Variants in CRACR2A observed in about 807,000 individuals in gnomAD.
CRACR2A encodes EF-hand calcium-binding domain-containing protein 4B.
A neutral mutation model predicts 90.5 loss-of-function variants in CRACR2A; 79 were observed. The ratio of observed to expected loss-of-function variants is 0.87; its 90% CI spans 0.73 to 1.05. CRACR2A has a LOEUF of 1.05. CRACR2A is among the 50% of genes least tolerant of loss of function. The pLI, the probability that CRACR2A is intolerant of heterozygous loss-of-function variation, is 0.00. For missense variants in CRACR2A, 823 were observed against 897.2 expected, an observed-to-expected ratio of 0.92 and a Z score of 1.06; for synonymous variants, 338 against 356.7, an observed-to-expected ratio of 0.95 and a Z score of 0.59.
chr12:3,628,541 CAGAG>C (rs368916721), intron 15 of CRACR2A, among the ~76,000 whole-genome samples: 1 of 152,168 alleles, frequency 6.6e-6, no homozygotes, highest in Admixed American at 6.5e-5. Context: ...TCCTCAACCC[CAGAG>C]AGAGGGGGCA....
intron 4 of CRACR2A, among the ~76,000 whole-genome samples, chr12:3,691,536 T>G (rs1256519262): frequency 6.6e-6 from 1 of 152,208 alleles, no homozygotes; most frequent in Non-Finnish European, 1.5e-5. Context: ...GGCTTCCCTT[T>G]GTAGGTGACC....
rs143641818 is a variant in CRACR2A at position 3,696,926 on chromosome 12, C to G, written c.74G>C (p.Gly25Ala). Residue 25 changes from glycine (G) to alanine (A), a missense_variant, in exon 4 of 20, where the codon GGG (glycine) becomes GCG (alanine). Transcript: ENST00000440314. ...CAGGGGATGCAGGCAGGCTCCACTC[C>G]CCTTTGGCCCCTGGCCAGACCCCTG... ...LGQGSGQGPK[G>A]SGACLHPLDS... The G allele has an allele frequency of 2.8e-5, 46 of 1,614,088 alleles. No homozygotes were observed. The highest frequency in any genetic ancestry group is 3.6e-5 in the Non-Finnish European group (42 of 1,180,032).
chr12:3,744,446 CT>C (rs1212032750), intron 1 of CRACR2A, among the ~76,000 whole-genome samples: 2 of 152,182 alleles, frequency 1.3e-5, no homozygotes, highest in Non-Finnish European at 2.9e-5. Context: ...AATGACACCC[CT>C]GTCTAGATGA....
intron 7 of CRACR2A, among the ~76,000 whole-genome samples, chr12:3,669,571 A>G (rs912498761): frequency 6.6e-6 from 1 of 152,198 alleles, no homozygotes; most frequent in Non-Finnish European, 1.5e-5. Flanking sequence ...GAATGCTCCC[A>G]GACTCCTTTC....
intron 2 of CRACR2A, among the ~76,000 whole-genome samples, chr12:3,717,698 T>C (rs1591708688): frequency 6.6e-6 from 1 of 152,358 alleles, no homozygotes; most frequent in East Asian, 1.9e-4. Flanking sequence ...TATACGGCTT[T>C]CAAAGATTAC....
rs573084317 is a variant in CRACR2A at position 3,633,466 on chromosome 12, A to G, written c.1735+138T>C. 8.4e-7 allele frequency: 1 copy of G among 1,188,236 alleles called. No individual in the cohort carries two copies. The highest frequency in any genetic ancestry group is 1.5e-5 in the African/African-American group (1 of 65,400). 73.6% of individuals were successfully genotyped at this position (1,188,236 alleles called of 1,614,324 possible). On this transcript the variant is annotated intron_variant, in intron 15 of 19. Transcript: ENST00000440314. This position sits in a 1 kb window ranked among gnomAD's most constrained non-coding sequence, Gnocchi z 4.5. ...CCCTCCCAGCCTGTCTGTTGAACAG[A>G]GCAGACACCAGTATCCCTACTGGCC...
chr12:3,696,576 A>G (rs1945743779), intron 4 of CRACR2A, among the ~76,000 whole-genome samples, 196 bp downstream of exon 4: 1 of 152,238 alleles, frequency 6.6e-6, no homozygotes, highest in African/African-American at 2.4e-5. Context: ...GGAATCTGAC[A>G]GCAAGTAAAG....
chr12:3,635,038 G>A, intron 14 of CRACR2A, among the ~76,000 whole-genome samples: 1 of 152,178 alleles, frequency 6.6e-6, no homozygotes, highest in Non-Finnish European at 1.5e-5. Context: ...ACAGGATAGG[G>A]AAGGTAAAAC....
chr12:3,701,234 C>T (rs113048082), intron 3 of CRACR2A, among the ~76,000 whole-genome samples: 14 of 150,970 alleles, frequency 9.3e-5, no homozygotes, highest in African/African-American at 1.2e-4. Context: ...AAATTTATAG[C>T]GCTAATCATA....
chr12:3,720,332 A>G (rs1946142511), intron 2 of CRACR2A, among the ~76,000 whole-genome samples: 1 of 146,946 alleles, frequency 6.8e-6, no homozygotes, highest in African/African-American at 2.5e-5. Flanking sequence ...AGACAGAAAG[A>G]AAAGAAAGAA....
At chr12:3,727,884 AAAAAT>A (rs1226900771) in intron 2 of CRACR2A, 2 of 152,320 alleles carry the variant, frequency 1.3e-5, no homozygotes, top group South Asian at 2.1e-4. Context: ...AATCTAAAAA[AAAAAT>A]AAAATAAAAT....
chr12:3,615,553 C>G (rs1008112443), intron 19 of CRACR2A, 114 bp from the exon 20 acceptor site: 2 of 738,606 alleles, frequency 2.7e-6, no homozygotes, highest in African/African-American at 3.5e-5. Context: ...TGGAGAGAAC[C>G]CACCCTCACC....
At chr12:3,673,737 T>C (rs1945293240) in intron 6 of CRACR2A, 145 bp from the exon 7 acceptor site, 2 of 1,022,674 alleles carry the variant, frequency 2.0e-6, no homozygotes, top group Non-Finnish European at 2.8e-6. Flanking sequence ...GACCGAATGC[T>C]TGCTGCATGT....
chr12:3,686,541 C>T (rs1565489446), intron 4 of CRACR2A, among the ~76,000 whole-genome samples: 1 of 152,122 alleles, frequency 6.6e-6, no homozygotes, highest in Non-Finnish European at 1.5e-5. Flanking sequence ...TTTTGAGGCT[C>T]TAGGTTTTCT....
chr12:3,633,622 C>T lies in CRACR2A; in HGVS notation c.1717G>A (p.Gly573Ser), dbSNP rs1437035711. 1 of 1,551,726 alleles carries T rather than the reference C, an allele frequency of 6.4e-7. No homozygotes were observed. The highest frequency in any genetic ancestry group is 8.7e-7 in the Non-Finnish European group (1 of 1,147,000). Residue 573 changes from glycine to serine, a missense_variant, in exon 15 of 20, where the codon GGC becomes AGC. By Grantham distance (56) the Gly-to-Ser change is moderately conservative. Transcript: ENST00000440314. This position sits in a 1 kb window ranked among gnomAD's most constrained non-coding sequence, Gnocchi z 4.5. ...RRFCEDRFSP[G>S]MAATVGIDYR... ...AACTCACCCACAGTGGCCGCCATGC[C>T]TGGGGAGAACCGGTCCTCACAGAAT...
intron 11 of CRACR2A, chr12:3,648,315 C>T: frequency 6.9e-7 from 1 of 1,449,234 alleles, no homozygotes; most frequent in Non-Finnish European, 9.1e-7. Context: ...CAGAGCCTCC[C>T]CACCAGGAGG....
At position 3,711,284 on chromosome 12, in the gene CRACR2A, T is replaced by A. The variant is rs1565497995; in HGVS notation, c.-37+1953A>T. Among the ~76,000 whole-genome samples, 1 of 152,258 alleles carries A rather than the reference T, an allele frequency of 6.6e-6. No homozygotes were observed. Among genetic ancestry groups the A allele is most frequent in the Non-Finnish European group, 1.5e-5 (1 of 68,044 alleles). ...GAGAATGTTCCAAGTCTTTAAGTTC[T>A]CTGCCTTTGACTCGCAATTTCATCT... is the stretch of plus-strand genomic sequence containing the variant. On this transcript the variant is annotated intron_variant, in intron 3 of 19. Coordinates refer to ENST00000440314, the MANE Select transcript of CRACR2A (RefSeq NM_001144958.2). This position sits in a 1 kb window ranked among gnomAD's most constrained non-coding sequence, Gnocchi z 4.3.
intron 1 of CRACR2A, among the ~76,000 whole-genome samples, chr12:3,745,825 T>TAAAATAAAATAAAATAAAATAAAATA (rs149739964): frequency 4.0e-5 from 4 of 100,532 alleles, no homozygotes; most frequent in African/African-American, 8.0e-5. Context: ...TAAAATAAAA[T>TAAAATAAAATAAAATAAAATAAAATA]AAAGAAAGAA....
chr12:3,656,340 G>C lies in CRACR2A; in HGVS notation c.829C>G (p.Leu277Val), dbSNP rs145811701. The change falls in exon 9 of 20, where the codon CTG (leucine) becomes GTG (valine). Residue 277 changes from leucine to valine, a missense_variant. Physicochemically the swap from Leu to Val is conservative, Grantham distance 32. Coordinates refer to ENST00000440314, the MANE Select transcript of CRACR2A (RefSeq NM_001144958.2). ...TTCTGCTTCTGGGTGAGCTGCTCCA[G>C]CTCCTGCTCCTTACATAACAGTTTC... Reference protein sequence around the residue: ...EQKLLCKEQELEQLTQKQKRL... With the variant: ...EQKLLCKEQEVEQLTQKQKRL... The C allele has an allele frequency of 2.5e-6, 4 of 1,614,022 alleles. No homozygotes were observed. The highest frequency in any genetic ancestry group is 2.7e-5 in the African/African-American group (2 of 74,906).
Sources: gnomAD v4.1 joint callset for allele counts (sites outside exome capture counted in the v4.1 genomes callset) on GRCh38, gnomAD v4.1.1 for gene constraint, Gnocchi (gnomAD v3.1) non-coding constraint, MANE v1.5 for transcripts, NCBI Gene and HGNC (gene_info 2026-07-23, HGNC 2026-07-21) for gene names.